FGGY: variants seen among roughly 807,000 people sequenced by gnomAD.
FGGY encodes FGGY carbohydrate kinase domain containing.
In FGGY, 72 loss-of-function variants were observed where a neutral mutation model predicts 71.3. The observed-to-expected ratio is 1.01, with a 90% CI of 0.84 to 1.23. The LOEUF is 1.23. FGGY is among the 50% of genes most tolerant of loss of function. The pLI, the probability that FGGY is intolerant of heterozygous loss-of-function variation, is 0.00. For synonymous variants in FGGY, 251 were observed against 250.3 expected (o/e 1.00, Z -0.02); for missense variants, 668 against 682.3 (o/e 0.98, Z 0.23).
chr1:59,352,661 T>G (rs912980382), intron 4 of FGGY, among the ~76,000 whole-genome samples: 1 of 152,198 alleles, frequency 6.6e-6, no homozygotes, highest in African/African-American at 2.4e-5. Flanking sequence ...CTGTGGAAGC[T>G]GTCACTTGAG....
chr1:59,410,543 A>G (rs1410563678), intron 5 of FGGY, among the ~76,000 whole-genome samples: 1 of 152,174 alleles, frequency 6.6e-6, no homozygotes, highest in Non-Finnish European at 1.5e-5. Context: ...ATTGGTCTGT[A>G]AGATTATTGA....
intron 15 of FGGY, among the ~76,000 whole-genome samples, chr1:59,759,615 C>A (rs1271139330): frequency 3.3e-5 from 5 of 152,204 alleles, no homozygotes; most frequent in Non-Finnish European, 1.5e-5. Flanking sequence ...GCGAAGGAGG[C>A]GGCACACACG....
intron 11 of FGGY, among the ~76,000 whole-genome samples, chr1:59,640,712 T>C (rs1050836499): frequency 2.6e-5 from 4 of 151,010 alleles, no homozygotes; most frequent in Non-Finnish European, 5.9e-5. Flanking sequence ...AACAAACATA[T>C]GAAGAATTTA....
At chr1:59,663,921 C>T (rs2097300553) in intron 12 of FGGY, among the ~76,000 whole-genome samples, 1 of 152,136 alleles carries the variant, frequency 6.6e-6, no homozygotes, top group Non-Finnish European at 1.5e-5. Context: ...AAATTTCTCT[C>T]TATATATAGT....
At chr1:59,451,636 A>G (rs1347192304) in intron 5 of FGGY, among the ~76,000 whole-genome samples, 1 of 152,106 alleles carries the variant, frequency 6.6e-6, no homozygotes, top group East Asian at 1.9e-4. Flanking sequence ...ATATTGAGAA[A>G]GCTGCTCTGA....
rs1416986998 is a variant in FGGY, at chr1:59,686,877, A to G, written c.1512+12744A>G. Among the ~76,000 whole-genome samples the G allele has an allele frequency of 2.6e-5, 4 of 152,226 alleles. No individual in the cohort carries two copies. The East Asian group carries it at 7.7e-4, about 29-fold the overall frequency. ...ACCTCATGCAATTGTTGTGAAAATT[A>G]AATGAGATGATATGCAAGAAGTATT... is the stretch of plus-strand genomic sequence containing the variant. On this transcript the variant is annotated intron_variant, in intron 14 of 15. Coordinates refer to ENST00000303721, the MANE Select transcript of FGGY (RefSeq NM_018291.5).
intron 8 of FGGY, among the ~76,000 whole-genome samples, chr1:59,557,040 G>A (rs922442201): frequency 6.6e-6 from 1 of 152,146 alleles, no homozygotes; most frequent in African/African-American, 2.4e-5. Context: ...GGGTGAGACT[G>A]TGGTCATGCT....
chr1:59,632,764 T>C (rs1572376025), intron 10 of FGGY, among the ~76,000 whole-genome samples: 1 of 152,194 alleles, frequency 6.6e-6, no homozygotes, highest in Admixed American at 6.5e-5. Context: ...CTCTTTTGTA[T>C]TGAGAGTCCC....
intron 14 of FGGY, among the ~76,000 whole-genome samples, chr1:59,747,910 G>A (rs1227412994): frequency 1.3e-5 from 2 of 152,172 alleles, no homozygotes; most frequent in African/African-American, 2.4e-5. Flanking sequence ...TAAGGAATGG[G>A]CCTGGTCTTA....
intron 5 of FGGY, among the ~76,000 whole-genome samples, chr1:59,419,361 G>A (rs1001104433): frequency 7.2e-5 from 11 of 152,136 alleles, no homozygotes; most frequent in African/African-American, 2.2e-4. Flanking sequence ...CTTGCTAATT[G>A]CATCAGTAGA....
chr1:59,369,659 C>G (rs1204616195), intron 4 of FGGY, among the ~76,000 whole-genome samples: 1 of 152,134 alleles, frequency 6.6e-6, no homozygotes, highest in East Asian at 1.9e-4. Flanking sequence ...CTGGGAGGCA[C>G]CCCCCAGTAG....
intron 14 of FGGY, chr1:59,697,712 T>A: frequency 7.7e-7 from 1 of 1,302,524 alleles, no homozygotes; most frequent in Non-Finnish European, 1.0e-6. Flanking sequence ...TGAGAAGAAA[T>A]CAGACTCTCT....
intron 7 of FGGY, among the ~76,000 whole-genome samples, chr1:59,551,386 C>T (rs1444291146): frequency 1.3e-5 from 2 of 152,140 alleles, no homozygotes; most frequent in South Asian, 2.1e-4. Flanking sequence ...ATTCCCTTTT[C>T]GTATTGACTG....
chr1:59,651,351 G>A (rs368097163), intron 11 of FGGY, among the ~76,000 whole-genome samples: 1 of 150,600 alleles, frequency 6.6e-6, no homozygotes, highest in East Asian at 1.9e-4. Context: ...TGACAGTGGG[G>A]TGTTAAAGTC....
At chr1:59,363,411 A>G (rs2153232945) in intron 4 of FGGY, among the ~76,000 whole-genome samples, 1 of 152,394 alleles carries the variant, frequency 6.6e-6, no homozygotes, top group East Asian at 1.9e-4. Context: ...TGCTGTAAAC[A>G]GATTACCTAT....
chr1:59,697,824 C>A, intron 14 of FGGY: 2 of 670,548 alleles, frequency 3.0e-6, no homozygotes, highest in Middle Eastern at 3.2e-4. Flanking sequence ...CTGCCCAAGG[C>A]TTCAGTCAAT....
At chr1:59,460,211 C>A (rs1006474431) in intron 6 of FGGY, among the ~76,000 whole-genome samples, 2 of 152,100 alleles carry the variant, frequency 1.3e-5, no homozygotes, top group Non-Finnish European at 2.9e-5. Flanking sequence ...CTGGGCTTTT[C>A]CAACAGTCTT....
At chr1:59,668,863 T>A (rs1296471236) in intron 13 of FGGY, among the ~76,000 whole-genome samples, 2 of 151,698 alleles carry the variant, frequency 1.3e-5, no homozygotes, top group Non-Finnish European at 2.9e-5. Context: ...TGGTGGCGCA[T>A]GCCTGTAATC....
chr1:59,343,553 C>T (rs1330799300), intron 3 of FGGY, among the ~76,000 whole-genome samples: 1 of 152,190 alleles, frequency 6.6e-6, no homozygotes, highest in Non-Finnish European at 1.5e-5. Context: ...TGGCAGTCAA[C>T]ACACAGTATA....
Sources: allele counts gnomAD v4.1 joint callset (sites outside exome capture counted in the v4.1 genomes callset), GRCh38; gene constraint gnomAD v4.1.1; transcripts MANE v1.5; gene names NCBI Gene and HGNC (gene_info 2026-07-23, HGNC 2026-07-21).